The following COX11 variants were observed in gnomAD, a reference collection of about 807,000 sequenced individuals.
The protein encoded by COX11 is cytochrome c oxidase copper chaperone COX11, also known as cytochrome c oxidase assembly protein COX11, mitochondrial.
Under a neutral mutation model 29.4 loss-of-function variants are expected in COX11, and 18 were observed. That is an observed-to-expected ratio of 0.61 (90% CI 0.42 to 0.91). The LOEUF (loss-of-function observed/expected upper bound fraction) is 0.91. Among genes scored for constraint, COX11 ranks in the 40% least tolerant of loss-of-function variants. The pLI is 0.00. For missense variants in COX11, 312 were observed against 346.0 expected (o/e 0.90, Z 0.78); for synonymous variants, 131 against 124.0 (o/e 1.06, Z -0.38).
At chr17:54,966,613 C>T (rs565837243) in intron 1 of COX11, among the ~76,000 whole-genome samples, 14 of 152,312 alleles carry the variant, frequency 9.2e-5, no homozygotes, top group African/African-American at 3.4e-4. Flanking sequence ...TGTCTTCACA[C>T]ATCGCTAAAT....
chr17:54,957,585 C>T (rs531345676), downstream of COX11: 86 of 152,240 alleles, frequency 5.6e-4, no homozygotes, highest in African/African-American at 2.0e-3. Flanking sequence ...TGTGGTGGGT[C>T]TTTCTTTCTG....
chr17:54,964,953 G>A (rs967203565), intron 1 of COX11, 101 bp from the exon 2 acceptor site: 1 of 1,182,830 alleles, frequency 8.5e-7, no homozygotes, highest in East Asian at 2.5e-5. Flanking sequence ...TAATCCATTT[G>A]GAGCCAAGTT....
chr17:54,962,732 T>TG lies in COX11; in HGVS notation c.831_*1insC. ...TTTGAAGGAAGACTTAGTTGCTGACTTCAATTATATCCTGGAACTGGCAAC... is the reference window on the plus strand; with the variant it reads ...TTTGAAGGAAGACTTAGTTGCTGACTGTCAATTATATCCTGGAACTGGCAAC... On this transcript the variant is annotated 3_prime_UTR_variant, in exon 4 of 4. Coordinates refer to ENST00000299335, the MANE Select transcript of COX11 (RefSeq NM_004375.5). 6.2e-7 allele frequency: 1 copy of TG among 1,608,978 alleles called. No individual in the cohort carries two copies. The highest frequency in any genetic ancestry group is 8.5e-7 in the Non-Finnish European group (1 of 1,178,574).
chr17:54,954,755 G>T (rs1329284665), exon 1 of COX11: 2 of 152,278 alleles, frequency 1.3e-5, no homozygotes, highest in East Asian at 3.9e-4. Flanking sequence ...TTCTAGAATT[G>T]GCAATATAGT....
rs1453126293 is a variant in COX11 at position 54,968,424 on chromosome 17, T to C, written c.223A>G (p.Lys75Glu). 7 of 1,613,390 alleles carry C rather than the reference T, an allele frequency of 4.3e-6. No homozygotes were observed. Among genetic ancestry groups the C allele is most frequent in the Middle Eastern group, 1.7e-4 (1 of 6,060 alleles). Residue 75 changes from lysine to glutamate, a missense_variant, in exon 1 of 4, where the codon AAG becomes GAG. Lys to Glu is a moderately conservative substitution (Grantham distance 56). This residue lies in a region of COX11 where 130 missense variants were observed against 106.0 expected (regional missense o/e 1.23). Coordinates refer to ENST00000299335, the MANE Select transcript of COX11 (RefSeq NM_004375.5). ...GCGCGTGTGAAAGGGTTCGAGCTCT[T>C]AGGCCGCCGCGGCGGCTGCAATGCT... The part of the protein sequence containing the change: ...HPALQPPRRP[K>E]SSNPFTRAQE...
In COX11 at chr17:54,961,051, C is replaced by A. The variant is rs879131376; in HGVS notation, c.*1682G>T. ...TCCCATGTATTTACTATTTAATGGT[C>A]ACCAATGAACTATCAAAACTTATTT... On this transcript the variant is annotated 3_prime_UTR_variant, in exon 4 of 4. Coordinates refer to ENST00000299335, the MANE Select transcript of COX11 (RefSeq NM_004375.5). 1.5e-5 allele frequency: 9 copies of A among 599,558 alleles called. No individual in the cohort carries two copies. In the Admixed American group the frequency reaches 2.1e-4, roughly 14 times the overall value. 37.1% of individuals were successfully genotyped at this position (599,558 alleles called of 1,614,324 possible).
Position 54,961,741 on chromosome 17 carries a change from T to C in COX11, c.*992A>G. ...CCTCTGGTTTAGAATTATAAATTGT[T>C]AAAACCTTGATAATTGTCATTTAAT... is the stretch of plus-strand genomic sequence containing the variant. On this transcript the variant is annotated 3_prime_UTR_variant, in exon 4 of 4. Coordinates refer to ENST00000299335, the MANE Select transcript of COX11 (RefSeq NM_004375.5). The C allele has an allele frequency of 2.0e-6, 2 of 1,017,788 alleles. No individual in the cohort carries two copies. Among genetic ancestry groups the C allele is most frequent in the Non-Finnish European group, 2.4e-6 (2 of 850,756 alleles). The allele number at this position is 1,017,788 out of a possible 1,614,324, so 63.0% of individuals were successfully genotyped here.
In COX11 at chr17:54,968,579, C is replaced by G; in HGVS notation, c.68G>C (p.Gly23Ala). 6.2e-7 allele frequency: 1 copy of G among 1,612,970 alleles called. No individual in the cohort carries two copies. The change falls in exon 1 of 4, where the codon GGG becomes GCG. Residue 23 changes from glycine (G) to alanine (A), a missense_variant. Around this residue, in one of 2 missense-constraint regions of COX11, gnomAD observed 130 missense variants for 106.0 expected, o/e 1.23. Transcript: ENST00000299335. The part of the protein sequence containing the change: ...PFCGWRWIHP[G>A]SPTRAAERVE... ...CCTCTCTGCAGCCCTGGTTGGAGAC[C>G]CAGGGTGGATCCAGCGCCAGCCACA...
intron 1 of COX11, 107 bp downstream of exon 1, chr17:54,968,174 G>GA: frequency 6.7e-7 from 1 of 1,498,698 alleles, no homozygotes; most frequent in South Asian, 1.3e-5. Context: ...GATAATATCG[G>GA]AAACCTCTTC....
At chr17:54,957,419 T>G (rs1351248601), downstream of COX11, 1 of 152,232 alleles carries the variant, frequency 6.6e-6, no homozygotes, top group Non-Finnish European at 1.5e-5. Flanking sequence ...AGAAACGTTT[T>G]TTTAATCAGT....
In COX11 at chr17:54,962,454, T is replaced by G; in HGVS notation, c.*279A>C. 1 of 1,055,788 alleles carries G rather than the reference T, an allele frequency of 9.5e-7. No individual in the cohort carries two copies. The highest frequency in any genetic ancestry group is 1.1e-6 in the Non-Finnish European group (1 of 877,144). The allele number at this position is 1,055,788 out of a possible 1,614,324, so 65.4% of individuals were successfully genotyped here. On this transcript the variant is annotated 3_prime_UTR_variant, in exon 4 of 4. Coordinates refer to ENST00000299335, the MANE Select transcript of COX11 (RefSeq NM_004375.5). ...GAATTATGGAATTAAGCTGAACCCA[T>G]GCCTGCATATTTAAAAAACAAAGCG...
At position 54,962,406 on chromosome 17, in the gene COX11, T is replaced by A; in HGVS notation, c.*327A>T. ...ATTGTCAGATTCATTGCTGTAAGTA[T>A]GAAGAGTTAATAATCTGGAAGGGAA... On this transcript the variant is annotated 3_prime_UTR_variant, in exon 4 of 4. Transcript: ENST00000299335. 1.8e-5 allele frequency: 18 copies of A among 1,006,512 alleles called. No individual in the cohort carries two copies. The highest frequency in any genetic ancestry group is 2.0e-5 in the Non-Finnish European group (17 of 844,692). The allele number at this position is 1,006,512 out of a possible 1,614,324, so 62.3% of individuals were successfully genotyped here. A position where few individuals can be genotyped will look rare whatever the true frequency, so the allele number is the denominator to read the frequency against.
In COX11 at chr17:54,961,333, A is replaced by G. The variant is rs2077119970; in HGVS notation, c.*1400T>C. On this transcript the variant is annotated 3_prime_UTR_variant, in exon 4 of 4. Transcript: ENST00000299335. ...GAAGCCTGGAAGACAATACCTACCA[A>G]CATGTCAAAGCCATGGTGGCACATT... 1 of 1,551,548 alleles carries G rather than the reference A, an allele frequency of 6.4e-7. No homozygotes were observed. Among genetic ancestry groups the G allele is most frequent in the Non-Finnish European group, 8.7e-7 (1 of 1,146,892 alleles).
At chr17:54,968,231 A>C (rs1033434399) in intron 1 of COX11, 50 bp downstream of exon 1, 1 of 1,579,828 alleles carries the variant, frequency 6.3e-7, no homozygotes, top group African/African-American at 1.4e-5. Context: ...TTTGTCTTGC[A>C]CCCCCACCTC....
rs536849346 is a variant in COX11 at position 54,968,386 on chromosome 17, C to A, written c.261G>T (p.Glu87Asp). 1.5e-5 allele frequency: 24 copies of A among 1,613,008 alleles called. No individual in the cohort carries two copies. The South Asian group carries it at 2.4e-4, about 16-fold the overall frequency. Reference protein sequence around the residue: ...SNPFTRAQEEERRRQNKTTLT... With the variant: ...SNPFTRAQEEDRRRQNKTTLT... Reference sequence around the variant, plus strand: ...GGGTCGTCTTGTTCTGCCGCCGCCGCTCCTCCTCCTGCGCGCGTGTGAAAG... The same window carrying A: ...GGGTCGTCTTGTTCTGCCGCCGCCGATCCTCCTCCTGCGCGCGTGTGAAAG... Residue 87 changes from glutamate to aspartate, a missense_variant, in exon 1 of 4, where the codon GAG becomes GAT. Around this residue, in one of 2 missense-constraint regions of COX11, gnomAD observed 182 missense variants for 240.0 expected, o/e 0.76. Transcript: ENST00000299335.
rs745646353 is a variant in COX11 at position 54,964,683 on chromosome 17, G to C, written c.522+14C>G. The C allele has an allele frequency of 8.7e-6, 14 of 1,608,230 alleles. No homozygotes were observed. The East Asian group carries it at 2.2e-4, about 26-fold the overall frequency. On this transcript the variant is annotated intron_variant, in intron 2 of 3. Coordinates refer to ENST00000299335, the MANE Select transcript of COX11 (RefSeq NM_004375.5). ...TTAATAAAGTAATCTTTTAATGACT[G>C]GTTAGTCACTTACATATATTTCTGT...
At position 54,960,652 on chromosome 17, in the gene COX11, T is replaced by C. The variant is rs1395475541; in HGVS notation, c.*2081A>G. ...GGTAAAGACTTCAACTTATACAACT[T>C]AATTCCATATTCCATATAATTTCAG... is the stretch of plus-strand genomic sequence containing the variant. On this transcript the variant is annotated 3_prime_UTR_variant, in exon 4 of 4. Coordinates refer to ENST00000299335, the MANE Select transcript of COX11 (RefSeq NM_004375.5). 1 of 1,520,728 alleles carries C rather than the reference T, an allele frequency of 6.6e-7. No individual in the cohort carries two copies. The highest frequency in any genetic ancestry group is 9.1e-7 in the Non-Finnish European group (1 of 1,096,200). The allele number at this position is 1,520,728 out of a possible 1,614,324, so 94.2% of individuals were successfully genotyped here.
In COX11 at chr17:54,961,063, A is replaced by G. The variant is rs1471795830; in HGVS notation, c.*1670T>C. On this transcript the variant is annotated 3_prime_UTR_variant, in exon 4 of 4. Coordinates refer to ENST00000299335, the MANE Select transcript of COX11 (RefSeq NM_004375.5). ...ACTATTTAATGGTCACCAATGAACT[A>G]TCAAAACTTATTTATTCCCCTTATA... 1 of 617,768 alleles carries G rather than the reference A, an allele frequency of 1.6e-6. No homozygotes were observed. The highest frequency in any genetic ancestry group is 2.8e-5 in the East Asian group (1 of 36,116). 38.3% of individuals were successfully genotyped at this position (617,768 alleles called of 1,614,324 possible).
At position 54,960,755 on chromosome 17, in the gene COX11, C is replaced by T. The variant is rs73990230; in HGVS notation, c.*1978G>A. ...GTCTGACACTTTGAAATATGAGTTCCCCTGAATCATTCAAATTGTGCTGAA... is the reference window on the plus strand; with the variant it reads ...GTCTGACACTTTGAAATATGAGTTCTCCTGAATCATTCAAATTGTGCTGAA... On this transcript the variant is annotated 3_prime_UTR_variant, in exon 4 of 4. Coordinates refer to ENST00000299335, the MANE Select transcript of COX11 (RefSeq NM_004375.5). 375 of 682,050 alleles carry T rather than the reference C, an allele frequency of 5.5e-4. 2 individuals are homozygous for T. The African/African-American group carries it at 5.7e-3, about 10-fold the overall frequency. The allele number at this position is 682,050 out of a possible 1,614,324, so 42.2% of individuals were successfully genotyped here. A position where few individuals can be genotyped will look rare whatever the true frequency, so the allele number is the denominator to read the frequency against.
Sources: allele counts gnomAD v4.1 joint callset (sites outside exome capture counted in the v4.1 genomes callset), GRCh38; gene constraint gnomAD v4.1.1; regional missense constraint gnomAD v4.1.1; transcripts MANE v1.5; gene names NCBI Gene and HGNC (gene_info 2026-07-23, HGNC 2026-07-21).